The following LARP4 variants were observed in gnomAD, a reference collection of about 807,000 sequenced individuals.
LARP4 encodes the protein la-related protein 4.
In LARP4, 29 loss-of-function variants were observed where a neutral mutation model predicts 92.9. The ratio of observed to expected loss-of-function variants is 0.31; its 90% confidence interval spans 0.23 to 0.43. The LOEUF (loss-of-function observed/expected upper bound fraction) is 0.43, where lower values mean the gene tolerates loss of function less well. Among genes scored for constraint, LARP4 ranks in the 20% least tolerant of loss-of-function variants. The probability of loss-of-function intolerance (pLI) is 1.00; values close to 1 mark genes in which losing one functional copy is unlikely to be tolerated. For synonymous variants in LARP4, 279 were observed against 284.1 expected (o/e 0.98, Z 0.18); for missense variants, 732 against 860.0 (o/e 0.85, Z 1.86).
chr12:50,463,766 T>C (rs904274708), intron 12 of LARP4, among the ~76,000 whole-genome samples: 1 of 152,154 alleles, frequency 6.6e-6, no homozygotes, highest in African/African-American at 2.4e-5. Flanking sequence ...ATGCCTGTTC[T>C]GGAGTCTGGA....
chr12:50,444,504 A>G (rs1043988077), intron 8 of LARP4, among the ~76,000 whole-genome samples: 3 of 152,214 alleles, frequency 2.0e-5, no homozygotes, highest in Non-Finnish European at 2.9e-5. Context: ...TTAAAATCAA[A>G]TGACCTAACA....
chr12:50,409,412 G>A (rs142485356), intron 1 of LARP4, among the ~76,000 whole-genome samples: 2 of 152,270 alleles, frequency 1.3e-5, no homozygotes, highest in East Asian at 1.9e-4. Flanking sequence ...GCTCACACCT[G>A]TAATACTAGC....
Position 50,478,484 on chromosome 12 carries a change from A to G in LARP4, c.*2620A>G, listed in dbSNP as rs1383882118. 3.9e-5 allele frequency: 6 copies of G among 152,048 alleles called. No individual in the cohort carries two copies. The highest frequency in any genetic ancestry group is 1.4e-4 in the African/African-American group (6 of 41,430). 9.4% of individuals were successfully genotyped at this position (152,048 alleles called of 1,614,324 possible). A position where few individuals can be genotyped will look rare whatever the true frequency, so the allele number is the denominator to read the frequency against. ...GTTACTTTGTAACTAATGAGGGTGG[A>G]TGTTCATTGTAGTTTATTTATTTGG... On this transcript the variant is annotated 3_prime_UTR_variant, in exon 16 of 16. Coordinates refer to ENST00000398473, the MANE Select transcript of LARP4 (RefSeq NM_052879.5).
At position 50,429,100 on chromosome 12, in the gene LARP4, A is replaced by G; in HGVS notation, c.322+10A>G. 4.4e-6 allele frequency: 7 copies of G among 1,607,622 alleles called. No individual in the cohort carries two copies. The highest frequency in any genetic ancestry group is 6.0e-6 in the Non-Finnish European group (7 of 1,176,224). Reference sequence around the variant, plus strand: ...ATATATGATGTTTCCGGTAAACTTTATGGTTTTATTGTTAAAATGAGAATT... The same window carrying G: ...ATATATGATGTTTCCGGTAAACTTTGTGGTTTTATTGTTAAAATGAGAATT... On this transcript the variant is annotated intron_variant, in intron 3 of 15. Coordinates refer to ENST00000398473, the MANE Select transcript of LARP4 (RefSeq NM_052879.5).
At chr12:50,455,348 G>A (rs747137819) in intron 10 of LARP4, among the ~76,000 whole-genome samples, 2 of 152,176 alleles carry the variant, frequency 1.3e-5, no homozygotes, top group Non-Finnish European at 1.5e-5. Context: ...GATTACAGGC[G>A]TGATACTATG....
chr12:50,460,515 G>A (rs1452908262), intron 10 of LARP4, among the ~76,000 whole-genome samples: 1 of 151,994 alleles, frequency 6.6e-6, no homozygotes, highest in Non-Finnish European at 1.5e-5. Context: ...GCAGTGATGG[G>A]GTCTTGCTGT....
intron 2 of LARP4, 69 bp downstream of exon 2, chr12:50,427,978 A>ACTTG: frequency 1.1e-6 from 1 of 877,708 alleles, no homozygotes; most frequent in Non-Finnish European, 1.7e-6. Context: ...AGTTTACTGA[A>ACTTG]CTTGAGACAC....
rs556078848 is a variant in LARP4 at position 50,425,331 on chromosome 12, G to A, written c.19-2431G>A. ...AATATTGTACTCTTTGTATTTATTCGGATTTAATGTTTGATCTCTGTTTCT... is the reference window on the plus strand; with the variant it reads ...AATATTGTACTCTTTGTATTTATTCAGATTTAATGTTTGATCTCTGTTTCT... On this transcript the variant is annotated intron_variant, in intron 1 of 15. Coordinates refer to ENST00000398473, the MANE Select transcript of LARP4 (RefSeq NM_052879.5). Among the ~76,000 whole-genome samples the A allele has an allele frequency of 5.4e-4, 82 of 152,060 alleles. 1 individual carries two copies. In the South Asian group the frequency reaches 0.016, roughly 30 times the overall value.
intron 3 of LARP4, among the ~76,000 whole-genome samples, chr12:50,429,612 G>T (rs748037743): frequency 6.6e-6 from 1 of 152,092 alleles, no homozygotes; most frequent in South Asian, 2.1e-4. Context: ...GAAGTGATAT[G>T]GTAAGCAATT....
intron 5 of LARP4, 68 bp downstream of exon 5, chr12:50,435,692 C>A: frequency 1.7e-6 from 2 of 1,175,362 alleles, no homozygotes; most frequent in East Asian, 2.5e-5. Flanking sequence ...GACTTCTGAT[C>A]ATATAGGGAA....
intron 1 of LARP4, among the ~76,000 whole-genome samples, chr12:50,411,765 C>G (rs1945943420): frequency 6.6e-6 from 1 of 152,178 alleles, no homozygotes; most frequent in African/African-American, 2.4e-5. Flanking sequence ...ACTGTAGCCT[C>G]TGCCCCCCGA....
chr12:50,421,384 C>T (rs2053881258), intron 1 of LARP4: 1 of 645,268 alleles, frequency 1.5e-6, no homozygotes, highest in African/African-American at 2.0e-5. Flanking sequence ...CGGCTCACAC[C>T]TGTAATCCCA....
intron 8 of LARP4, among the ~76,000 whole-genome samples, chr12:50,444,164 A>G (rs758735311): frequency 6.6e-6 from 1 of 152,098 alleles, no homozygotes; most frequent in African/African-American, 2.4e-5. Flanking sequence ...ATTCATTATT[A>G]TGGTAACTAT....
chr12:50,411,425 C>T (rs941179496), intron 1 of LARP4, among the ~76,000 whole-genome samples: 2 of 152,014 alleles, frequency 1.3e-5, no homozygotes, highest in Admixed American at 6.6e-5. Flanking sequence ...TCTCAGCTCA[C>T]GGCAACCCCT....
At chr12:50,442,382 A>G (rs1951350412) in intron 8 of LARP4, among the ~76,000 whole-genome samples, 2 of 152,176 alleles carry the variant, frequency 1.3e-5, no homozygotes, top group Admixed American at 6.5e-5. Flanking sequence ...TTACATGTCT[A>G]ATCTGTTCTC....
chr12:50,406,753 G>A (rs1944911569), intron 1 of LARP4, among the ~76,000 whole-genome samples: 1 of 152,138 alleles, frequency 6.6e-6, no homozygotes. Flanking sequence ...ATCTTGCTCT[G>A]TTGCCCAGGC....
chr12:50,475,411 T>C, intron 15 of LARP4, 115 bp from the exon 16 acceptor site: 1 of 803,396 alleles, frequency 1.2e-6, no homozygotes. Context: ...AGAGTGCTTG[T>C]TGCCCTTTTC....
intron 3 of LARP4, among the ~76,000 whole-genome samples, chr12:50,429,719 A>G (rs951282529): frequency 1.3e-5 from 2 of 152,014 alleles, no homozygotes; most frequent in African/African-American, 2.4e-5. Context: ...GCTCACTGCA[A>G]TCTCTGCCTC....
chr12:50,419,553 C>T (rs1304032355), intron 1 of LARP4, among the ~76,000 whole-genome samples: 1 of 152,066 alleles, frequency 6.6e-6, no homozygotes, highest in African/African-American at 2.4e-5. Context: ...TAAATCTAGT[C>T]CAGATTGGTA....
Sources: allele counts gnomAD v4.1 joint callset (sites outside exome capture counted in the v4.1 genomes callset), GRCh38; gene constraint gnomAD v4.1.1; transcripts MANE v1.5; gene names NCBI Gene and HGNC (gene_info 2026-07-23, HGNC 2026-07-21).